Variants in COL4A3 observed in about 807,000 individuals in gnomAD.
COL4A3 encodes the protein collagen alpha-3(IV) chain.
A neutral mutation model predicts 217.4 loss-of-function variants in COL4A3; 135 were observed. The ratio of observed to expected loss-of-function variants is 0.62; its 90% CI spans 0.54 to 0.72. The LOEUF (loss-of-function observed/expected upper bound fraction) is 0.72. Ranked by LOEUF, COL4A3 falls within the 30% of genes least tolerant of loss-of-function variation. COL4A3 has a pLI of 0.00. For missense variants in COL4A3, 1,868 were observed against 2,119.9 expected, an observed-to-expected ratio of 0.88 and a Z score of 2.33; for synonymous variants, 690 against 736.3, an observed-to-expected ratio of 0.94 and a Z score of 1.02.
In COL4A3 at chr2:227,259,986, A is replaced by G. The variant is rs4332918; in HGVS notation, c.1114+109A>G. 428,735 of 821,690 alleles carry G rather than the reference A, an allele frequency of 0.52. 113,404 individuals are homozygous for G. Among genetic ancestry groups the G allele is most frequent in the South Asian group, 0.63 (46,815 of 74,528 alleles). 50.9% of individuals were successfully genotyped at this position (821,690 alleles called of 1,614,324 possible). A position where few individuals can be genotyped will look rare whatever the true frequency, so the allele number is the denominator to read the frequency against. On this transcript the variant is annotated intron_variant, in intron 19 of 51. Coordinates refer to ENST00000396578, the MANE Select transcript of COL4A3 (RefSeq NM_000091.5). Reference sequence around the variant, plus strand: ...ATTGACATGGGTGAGGAAAGGGAACAGAGATCTCTTCATTTTCATAAAGGT... The same window carrying G: ...ATTGACATGGGTGAGGAAAGGGAACGGAGATCTCTTCATTTTCATAAAGGT...
intron 1 of COL4A3, among the ~76,000 whole-genome samples, chr2:227,179,266 CA>C (rs2065794494): frequency 6.6e-6 from 1 of 152,134 alleles, no homozygotes; most frequent in Middle Eastern, 3.2e-3. Flanking sequence ...CCTTTCCAAC[CA>C]AAAACTTCCC....
At chr2:227,212,086 T>C (rs1315496735) in intron 1 of COL4A3, among the ~76,000 whole-genome samples, 1 of 152,202 alleles carries the variant, frequency 6.6e-6, no homozygotes, top group Non-Finnish European at 1.5e-5. Flanking sequence ...ACATTGAGCA[T>C]GTGTTTATAT....
Position 227,246,737 on chromosome 2 carries a change from C to G in COL4A3, c.440C>G (p.Pro147Arg), listed in dbSNP as rs781415019. 7 of 1,611,712 alleles carry G rather than the reference C, an allele frequency of 4.3e-6. No homozygotes were observed. Among genetic ancestry groups the G allele is most frequent in the South Asian group, 3.3e-5 (3 of 91,018 alleles). ...GGGACACTGGGCTACCCAGGGATCCCGGTAGGTTTGCATGCCTAATTCCCC... is the reference window on the plus strand; with the variant it reads ...GGGACACTGGGCTACCCAGGGATCCGGGTAGGTTTGCATGCCTAATTCCCC... ...LPGTLGYPGI[P>R]GAAGLKGQKG... Residue 147 changes from proline (P) to arginine (R), a missense_variant and splice_region_variant, in exon 7 of 52, where the codon CCG becomes CGG. Transcript: ENST00000396578.
intron 8 of COL4A3, 140 bp downstream of exon 8, chr2:227,247,724 G>A (rs1013880147): frequency 2.6e-5 from 23 of 901,522 alleles, no homozygotes; most frequent in African/African-American, 3.3e-5. Flanking sequence ...AATAATAATC[G>A]GGACATGATA....
intron 1 of COL4A3, among the ~76,000 whole-genome samples, chr2:227,170,377 T>C (rs1283735482): frequency 6.6e-6 from 1 of 152,100 alleles, no homozygotes; most frequent in Non-Finnish European, 1.5e-5. Context: ...CAAGACTCGA[T>C]AATTTATGAA....
intron 1 of COL4A3, among the ~76,000 whole-genome samples, chr2:227,224,361 A>G (rs1360582657): frequency 6.6e-6 from 1 of 152,106 alleles, no homozygotes; most frequent in East Asian, 1.9e-4. Flanking sequence ...AAATTTTCCT[A>G]TGTTTATTCT....
At chr2:227,303,410 C>T (rs1000809209) in intron 44 of COL4A3, among the ~76,000 whole-genome samples, 2 of 152,136 alleles carry the variant, frequency 1.3e-5, no homozygotes, top group Admixed American at 1.3e-4. Flanking sequence ...CTGAAAAGAA[C>T]TCCTAACGTA....
At chr2:227,290,701 T>G (rs1196840337) in intron 36 of COL4A3, 46 bp from the exon 37 acceptor site, 2 of 1,595,612 alleles carry the variant, frequency 1.3e-6, no homozygotes, top group Admixed American at 1.7e-5. Flanking sequence ...AACTTCAAGA[T>G]CCTCATGTTT....
chr2:227,245,808 T>C (rs746524676), intron 5 of COL4A3, 146 bp from the exon 6 acceptor site: 15 of 726,082 alleles, frequency 2.1e-5, no homozygotes, highest in Middle Eastern at 2.3e-4. Flanking sequence ...TGAAATTATA[T>C]GTAAAACCAC....
At chr2:227,281,772 C>T (rs1225258521) in intron 31 of COL4A3, 1 of 152,360 alleles carries the variant, frequency 6.6e-6, no homozygotes, top group African/African-American at 2.4e-5. Context: ...GGTGCAGTCC[C>T]AGAATGTGTC....
chr2:227,211,809 C>G (rs2067334389), intron 1 of COL4A3, among the ~76,000 whole-genome samples: 1 of 152,026 alleles, frequency 6.6e-6, no homozygotes, highest in Non-Finnish European at 1.5e-5. Flanking sequence ...AGGGGTGCGC[C>G]ACCACGCCCA....
chr2:227,297,875 T>G lies in COL4A3; in HGVS notation c.3751+16T>G. On this transcript the variant is annotated intron_variant, in intron 42 of 51. Coordinates refer to ENST00000396578, the MANE Select transcript of COL4A3 (RefSeq NM_000091.5). Reference sequence around the variant, plus strand: ...GGAAGCCCAGGTAAAGGGTTTACTTTTAAACAGCATAAAATAACAAAAATC... The same window carrying G: ...GGAAGCCCAGGTAAAGGGTTTACTTGTAAACAGCATAAAATAACAAAAATC... 1.9e-6 allele frequency: 3 copies of G among 1,552,370 alleles called. No individual in the cohort carries two copies. Among genetic ancestry groups the G allele is most frequent in the Non-Finnish European group, 2.6e-6 (3 of 1,147,232 alleles).
chr2:227,284,404 A>T (rs1396486381), intron 34 of COL4A3, 59 bp downstream of exon 34: 1 of 1,559,290 alleles, frequency 6.4e-7, no homozygotes, highest in African/African-American at 1.3e-5. Flanking sequence ...CTAATAAATT[A>T]TCCAGGCAAA....
chr2:227,303,859 G>A lies in COL4A3; in HGVS notation c.3956G>A (p.Gly1319Glu), dbSNP rs1178734829. Residue 1319 changes from glycine (G) to glutamate (E), a missense_variant and splice_region_variant, in exon 45 of 52, where the codon GGA becomes GAA. Physicochemically the swap from Gly to Glu is moderately conservative, Grantham distance 98. Coordinates refer to ENST00000396578, the MANE Select transcript of COL4A3 (RefSeq NM_000091.5). ...PGFQGFPGVK[G>E]EKGNPGFLGS... is the part of the protein sequence containing the mutation. The stretch of plus-strand genomic sequence containing the variant: ...ACACTGTGTCTTTGTTTGTTTTTAG[G>A]AGAAAAGGGTAATCCTGGATTTCTA... 11 of 1,613,810 alleles carry A rather than the reference G, an allele frequency of 6.8e-6. No homozygotes were observed. Among genetic ancestry groups the A allele is most frequent in the Non-Finnish European group, 5.9e-6 (7 of 1,179,956 alleles).
intron 1 of COL4A3, among the ~76,000 whole-genome samples, chr2:227,220,134 T>TTGTG (rs1359850522): frequency 2.9e-3 from 281 of 98,370 alleles, no homozygotes; most frequent in African/African-American, 9.9e-3. Context: ...TAAGGCGGTT[T>TTGTG]TATGTGTGTG....
chr2:227,291,519 C>A (rs2072711095), intron 37 of COL4A3, among the ~76,000 whole-genome samples: 1 of 127,474 alleles, frequency 7.8e-6, no homozygotes, highest in South Asian at 2.7e-4. Context: ...GCCGAGATCG[C>A]GCCACTGCAC....
intron 36 of COL4A3, 94 bp from the exon 37 acceptor site, chr2:227,290,653 T>C (rs1200947043): frequency 1.6e-6 from 2 of 1,234,896 alleles, no homozygotes; most frequent in South Asian, 2.6e-5. Context: ...GAAAAAGCCA[T>C]TCTTGGGAGA....
Position 227,312,678 on chromosome 2 carries a change from T to G in COL4A3, c.*808T>G, listed in dbSNP as rs914484355. 2 of 152,624 alleles carry G rather than the reference T, an allele frequency of 1.3e-5. No individual in the cohort carries two copies. Among genetic ancestry groups the G allele is most frequent in the African/African-American group, 4.8e-5 (2 of 41,442 alleles). 9.5% of individuals were successfully genotyped at this position (152,624 alleles called of 1,614,324 possible). On this transcript the variant is annotated 3_prime_UTR_variant, in exon 52 of 52. Coordinates refer to ENST00000396578, the MANE Select transcript of COL4A3 (RefSeq NM_000091.5). ...TACATACTATGAAATATGTATAACT[T>G]TAACTTCTGTTTTACCAGCATACCC... is the stretch of plus-strand genomic sequence containing the variant.
chr2:227,217,351 C>A (rs977029744), intron 1 of COL4A3, among the ~76,000 whole-genome samples: 2 of 152,190 alleles, frequency 1.3e-5, no homozygotes, highest in African/African-American at 2.4e-5. Flanking sequence ...ATATCAGCGA[C>A]CTTACCTATC....
Sources: allele counts gnomAD v4.1 joint callset (sites outside exome capture counted in the v4.1 genomes callset), GRCh38; gene constraint gnomAD v4.1.1; transcripts MANE v1.5; gene names NCBI Gene and HGNC (gene_info 2026-07-23, HGNC 2026-07-21).